GOLM1: variants seen among roughly 807,000 people sequenced by gnomAD.
GOLM1 encodes the protein epididymis luminal protein 46.
GOLM1 carries 31 observed loss-of-function variants against 50.5 expected under a neutral mutation model. The ratio of observed to expected loss-of-function variants is 0.61; its 90% confidence interval spans 0.46 to 0.83. The LOEUF is 0.83. Among genes scored for constraint, GOLM1 ranks in the 40% least tolerant of loss-of-function variants. The pLI is 0.00. For missense variants in GOLM1, 491 were observed against 501.3 expected, an observed-to-expected ratio of 0.98 and a Z score of 0.20; for synonymous variants, 178 against 192.8, an observed-to-expected ratio of 0.92 and a Z score of 0.64.
chr9:86,066,898 C>T (rs926817899), intron 3 of GOLM1, among the ~76,000 whole-genome samples: 1 of 151,960 alleles, frequency 6.6e-6, no homozygotes, highest in Non-Finnish European at 1.5e-5. Flanking sequence ...AAGAGGGGAC[C>T]CAGGATCTTT....
At chr9:86,054,947 C>T (rs139473822) in intron 3 of GOLM1, among the ~76,000 whole-genome samples, 105 of 152,276 alleles carry the variant, frequency 6.9e-4, no homozygotes, top group African/African-American at 2.2e-3. Flanking sequence ...CTGCCCATAA[C>T]GTGGAGACAC....
intron 1 of GOLM1, among the ~76,000 whole-genome samples, chr9:86,084,048 GA>G (rs1252245441): frequency 6.6e-6 from 1 of 152,084 alleles, no homozygotes; most frequent in African/African-American, 2.4e-5. Flanking sequence ...TCTGAATTCT[GA>G]AAAAAGTCCT....
chr9:86,094,024 C>A (rs1266881609), intron 1 of GOLM1, among the ~76,000 whole-genome samples: 1 of 152,210 alleles, frequency 6.6e-6, no homozygotes. Context: ...CAGACCTGAG[C>A]ACACCCCGGC....
At chr9:86,077,684 AG>A (rs755926115) in intron 2 of GOLM1, 93 bp from the exon 3 acceptor site, 10 of 831,904 alleles carry the variant, frequency 1.2e-5, no homozygotes, top group Non-Finnish European at 2.0e-5. Flanking sequence ...CTTGGGGCCC[AG>A]GGCCAGCACC....
chr9:86,081,820 C>T (rs150660677), intron 1 of GOLM1, among the ~76,000 whole-genome samples: 7 of 150,694 alleles, frequency 4.6e-5, no homozygotes, highest in East Asian at 4.1e-4. Context: ...ACCCATGAGG[C>T]GGAGCTTGCA....
chr9:86,047,869 T>G (rs1349355586), intron 4 of GOLM1, among the ~76,000 whole-genome samples: 1 of 152,176 alleles, frequency 6.6e-6, no homozygotes, highest in African/African-American at 2.4e-5. Context: ...TGTATGCATG[T>G]ACCCAATTAT....
At chr9:86,094,944 G>A (rs1019513113) in intron 1 of GOLM1, among the ~76,000 whole-genome samples, 7 of 151,926 alleles carry the variant, frequency 4.6e-5, no homozygotes, top group East Asian at 1.9e-4. Flanking sequence ...TTAGCCGGGC[G>A]TGGTGGTGCA....
At chr9:86,031,974 C>T (rs1008817667) in intron 9 of GOLM1, among the ~76,000 whole-genome samples, 3 of 150,948 alleles carry the variant, frequency 2.0e-5, no homozygotes, top group Admixed American at 1.3e-4. Context: ...ACGTGCCTCC[C>T]GATGAAAGAA....
intron 3 of GOLM1, among the ~76,000 whole-genome samples, chr9:86,076,454 A>AAAAAAG (rs1308426072): frequency 7.3e-6 from 1 of 136,660 alleles, no homozygotes; most frequent in Non-Finnish European, 1.5e-5. Context: ...AAAAAAAAAA[A>AAAAAAG]GCCAAATTTT....
In GOLM1 at chr9:86,027,518, C is replaced by T. The variant is rs1832823328; in HGVS notation, c.*299G>A. 4.3e-6 allele frequency: 5 copies of T among 1,172,878 alleles called. No individual in the cohort carries two copies. In the South Asian group the frequency reaches 1.0e-4, roughly 24 times the overall value. 72.7% of individuals were successfully genotyped at this position (1,172,878 alleles called of 1,614,324 possible). A position where few individuals can be genotyped will look rare whatever the true frequency, so the allele number is the denominator to read the frequency against. On this transcript the variant is annotated 3_prime_UTR_variant, in exon 10 of 10. Transcript: ENST00000388712. ...AGTTATATTCCAGAATCAGGAAGCC[C>T]CGCTGTCGCCAACACTTGAAGGAGA...
intron 1 of GOLM1, among the ~76,000 whole-genome samples, chr9:86,089,144 C>T (rs1479092520): frequency 6.6e-6 from 1 of 152,190 alleles, no homozygotes; most frequent in Non-Finnish European, 1.5e-5. Context: ...GTCTGATGGG[C>T]TTCCCTTTGT....
chr9:86,032,766 T>TA (rs1833022548), intron 9 of GOLM1, among the ~76,000 whole-genome samples: 1 of 152,178 alleles, frequency 6.6e-6, no homozygotes, highest in Admixed American at 6.5e-5. Context: ...CACCTGCTGT[T>TA]ATGCCTCCTG....
At chr9:86,053,244 CAT>C (rs1211892987) in intron 3 of GOLM1, among the ~76,000 whole-genome samples, 1 of 132,356 alleles carries the variant, frequency 7.6e-6, no homozygotes, top group Non-Finnish European at 1.6e-5. Flanking sequence ...CATACCACGC[CAT>C]ATGACTCCAC....
chr9:86,071,627 C>T (rs1834450265), intron 3 of GOLM1, among the ~76,000 whole-genome samples: 2 of 151,664 alleles, frequency 1.3e-5, no homozygotes, highest in African/African-American at 4.8e-5. Flanking sequence ...GAGCCGAGAT[C>T]GTGCCACTGC....
chr9:86,050,138 C>T (rs1446389460), intron 4 of GOLM1, among the ~76,000 whole-genome samples: 1 of 152,178 alleles, frequency 6.6e-6, no homozygotes, highest in Non-Finnish European at 1.5e-5. Context: ...TGGTTTTTAT[C>T]TTTGGTTCTG....
intron 3 of GOLM1, among the ~76,000 whole-genome samples, chr9:86,053,316 C>G (rs1402765127): frequency 7.6e-6 from 1 of 132,012 alleles, no homozygotes; most frequent in African/African-American, 2.8e-5. Flanking sequence ...CAAACCACAG[C>G]AGGCCACACA....
At chr9:86,089,156 G>A (rs1198402244) in intron 1 of GOLM1, among the ~76,000 whole-genome samples, 4 of 152,116 alleles carry the variant, frequency 2.6e-5, no homozygotes, top group Admixed American at 2.6e-4. Context: ...TCCCTTTGTG[G>A]GTAACCTGAC....
rs1359447119 is a variant in GOLM1 at position 86,068,873 on chromosome 9, G to C, written c.309+8539C>G. 3.3e-5 allele frequency among the ~76,000 whole-genome samples: 5 copies of C among 152,268 alleles called. No individual in the cohort carries two copies. In the South Asian group the frequency reaches 1.0e-3, roughly 32 times the overall value. On this transcript the variant is annotated intron_variant, in intron 3 of 9. Transcript: ENST00000388712. ...CTACAGAAGCTCCCTTCTGCAAACAGGTATGCAGAGTCCTCTTGTCTGCAA... is the reference window on the plus strand; with the variant it reads ...CTACAGAAGCTCCCTTCTGCAAACACGTATGCAGAGTCCTCTTGTCTGCAA...
chr9:86,048,372 C>T (rs1833625314), intron 4 of GOLM1, among the ~76,000 whole-genome samples: 1 of 152,070 alleles, frequency 6.6e-6, no homozygotes, highest in Non-Finnish European at 1.5e-5. Flanking sequence ...GATTTATAAT[C>T]CTTTGGGTAT....
Sources: allele counts gnomAD v4.1 joint callset (sites outside exome capture counted in the v4.1 genomes callset), GRCh38; gene constraint gnomAD v4.1.1; transcripts MANE v1.5; gene names NCBI Gene and HGNC (gene_info 2026-07-23, HGNC 2026-07-21).